Variants in HLA-DPA1 observed in about 807,000 individuals in gnomAD.
HLA-DPA1 encodes the protein HLA class II histocompatibility antigen, DP alpha 1 chain.
In HLA-DPA1, 20 loss-of-function variants were observed where a neutral mutation model predicts 21.5. The observed-to-expected ratio is 0.93, with a 90% confidence interval of 0.66 to 1.35. The LOEUF (loss-of-function observed/expected upper bound fraction) is 1.35, where lower values mean the gene tolerates loss of function less well. Among genes scored for constraint, HLA-DPA1 ranks in the 40% most tolerant of loss-of-function variants. The probability of loss-of-function intolerance (pLI) is 0.00; values close to 1 mark genes in which losing one functional copy is unlikely to be tolerated. For synonymous variants in HLA-DPA1, 123 were observed against 129.6 expected (o/e 0.95, Z 0.35); for missense variants, 279 against 323.0 (o/e 0.86, Z 1.05).
At chr6:33,075,996 T>G in intron 1 of HLA-DPA1, 2 of 1,463,988 alleles carry the variant, frequency 1.4e-6, no homozygotes, top group Non-Finnish European at 1.9e-6. Flanking sequence ...GAGTCCTTCT[T>G]TTCCTGACTG....
At chr6:33,077,621 T>TG (rs1408578886) in intron 1 of HLA-DPA1, among the ~76,000 whole-genome samples, 2 of 152,136 alleles carry the variant, frequency 1.3e-5, no homozygotes, top group Non-Finnish European at 2.9e-5. Context: ...TGTAAACTAG[T>TG]TCAACCATTG....
At chr6:33,065,042 T>C (rs1447968033) in exon 6 of HLA-DPA1, 1 of 152,182 alleles carries the variant, frequency 6.6e-6, no homozygotes, top group Non-Finnish European at 1.5e-5. Context: ...TTATTGGTCT[T>C]AGGGTATTCT....
intron 2 of HLA-DPA1, among the ~76,000 whole-genome samples, chr6:33,072,550 G>C (rs760664159): frequency 6.6e-6 from 1 of 152,114 alleles, no homozygotes; most frequent in Non-Finnish European, 1.5e-5. Context: ...AGGTGACCGC[G>C]AACAGGGCAA....
chr6:33,068,670 G>T (rs190707736), exon 5 of HLA-DPA1: 3 of 1,612,360 alleles, frequency 1.9e-6, no homozygotes, highest in Admixed American at 3.3e-5. Context: ...CCCTGGGCCC[G>T]GGGGTCATGG....
At chr6:33,069,730 T>C (rs1762169583) in exon 3 of HLA-DPA1, 1 of 1,612,688 alleles carries the variant, frequency 6.2e-7, no homozygotes, top group Admixed American at 1.7e-5. Context: ...GCCCTGAGCC[T>C]CAAAGGAAAA....
chr6:33,069,971 A>C, intron 2 of HLA-DPA1, 85 bp from the exon 2 acceptor site: 1 of 1,273,622 alleles, frequency 7.9e-7, no homozygotes, highest in Non-Finnish European at 1.1e-6. Context: ...ATAAAGACTT[A>C]TGAATATAAA....
exon 3 of HLA-DPA1, chr6:33,069,719 C>T (rs1334072731): frequency 3.7e-6 from 6 of 1,612,590 alleles, no homozygotes; most frequent in African/African-American, 1.3e-5. Flanking sequence ...TTAGCCAGCC[C>T]GCCCTGAGCC....
At chr6:33,069,756 C>T in exon 3 of HLA-DPA1, 1 of 1,612,714 alleles carries the variant, frequency 6.2e-7, no homozygotes, top group Non-Finnish European at 8.5e-7. Flanking sequence ...GGCCAAACTC[C>T]TCCAGATGCC....
chr6:33,069,155 A>G (rs1175598425), exon 4 of HLA-DPA1: 3 of 1,613,030 alleles, frequency 1.9e-6, no homozygotes, highest in Middle Eastern at 1.6e-4. Flanking sequence ...AGAGGCTCTC[A>G]GCGACACCCT....
chr6:33,072,413 G>A (rs1364122024), intron 2 of HLA-DPA1, among the ~76,000 whole-genome samples: 1 of 152,188 alleles, frequency 6.6e-6, no homozygotes, highest in African/African-American at 2.4e-5. Context: ...TAAGAGACTG[G>A]GCAGGGAAGC....
rs199854107 is a variant in HLA-DPA1, at chr6:33,069,299, A to G, written c.348T>C (p.Asp116=). The change falls in exon 4 of 6, where the codon GAT becomes GAC. Residue 116 remains aspartate (D), a splice_region_variant and synonymous_variant. Coordinates refer to ENST00000419277, the Ensembl canonical transcript of HLA-DPA1. Reference sequence around the variant, plus strand: ...TGGGAAACACGGTCACCTCAGGGGGATCTGGAAGGAGACAGCACCAGGTTA... The same window carrying G: ...TGGGAAACACGGTCACCTCAGGGGGGTCTGGAAGGAGACAGCACCAGGTTA... 12 of 1,611,402 alleles carry G rather than the reference A, an allele frequency of 7.4e-6. No individual in the cohort carries two copies. In the Middle Eastern group the frequency reaches 6.6e-4, roughly 89 times the overall value.
At chr6:33,068,388 C>T (rs537868986) in intron 5 of HLA-DPA1, 1 of 418,298 alleles carries the variant, frequency 2.4e-6, no homozygotes, top group African/African-American at 2.0e-5. Context: ...GTAAGTATCT[C>T]TCATGTGAAA....
chr6:33,064,859 A>G (rs17220961), exon 6 of HLA-DPA1: 43,919 of 151,942 alleles, frequency 0.29, 8,376 homozygotes, highest in East Asian at 0.69. Context: ...AAAACCCAGG[A>G]CTGAATCAAT....
chr6:33,071,449 T>A (rs1467529367), intron 2 of HLA-DPA1, among the ~76,000 whole-genome samples: 1 of 152,076 alleles, frequency 6.6e-6, no homozygotes, highest in Non-Finnish European at 1.5e-5. Flanking sequence ...CTTTTTAAAA[T>A]GCTTTTTAAA....
rs145493179 is a variant in HLA-DPA1, at chr6:33,072,289, C to T, written c.100+1182G>A. On this transcript the variant is annotated intron_variant, in intron 2 of 5. Transcript: ENST00000419277. Reference sequence around the variant, plus strand: ...GAGACAAGTCAGAAGCTTAGCTCCACGTGTGAGGACACAAAGAAAGTGTCT... The same window carrying T: ...GAGACAAGTCAGAAGCTTAGCTCCATGTGTGAGGACACAAAGAAAGTGTCT... Among the ~76,000 whole-genome samples, 314 of 152,272 alleles carry T rather than the reference C, an allele frequency of 2.1e-3. 1 individual carries two copies. Among genetic ancestry groups the T allele is most frequent in the African/African-American group, 7.0e-3 (292 of 41,534 alleles).
At position 33,080,404 on chromosome 6, in the gene HLA-DPA1, C is replaced by T; in HGVS notation, c.-100+276G>A. On this transcript the variant is annotated intron_variant, in intron 1 of 5. Transcript: ENST00000419277. This position sits in a 1 kb window ranked among gnomAD's most constrained non-coding sequence, Gnocchi z 4.3. ...CCACCAGCAGAAGGGACTGCCTTCC[C>T]CTCAGTGCTCGCCCCTCCCTAGTGA... 1.5e-6 allele frequency: 1 copy of T among 663,372 alleles called. No homozygotes were observed. The highest frequency in any genetic ancestry group is 1.5e-5 in the South Asian group (1 of 66,252). 41.1% of individuals were successfully genotyped at this position (663,372 alleles called of 1,614,324 possible). A position where few individuals can be genotyped will look rare whatever the true frequency, so the allele number is the denominator to read the frequency against.
chr6:33,076,213 G>T, intron 1 of HLA-DPA1: 1 of 1,051,468 alleles, frequency 9.5e-7, no homozygotes. Flanking sequence ...ATCTTTAAGG[G>T]ATCAAATTCT....
chr6:33,071,795 C>A lies in HLA-DPA1; in HGVS notation c.100+1676G>T, dbSNP rs537526971. Among the ~76,000 whole-genome samples the A allele has an allele frequency of 3.9e-3, 539 of 139,402 alleles. 3 individuals are homozygous for A. The highest frequency in any genetic ancestry group is 0.038 in the East Asian group (132 of 3,482). 91.5% of individuals were successfully genotyped at this position (139,402 alleles called of 152,430 possible). A position where few individuals can be genotyped will look rare whatever the true frequency, so the allele number is the denominator to read the frequency against. On this transcript the variant is annotated intron_variant, in intron 2 of 5. Transcript: ENST00000419277. ...CAATGTAGGCATTCAGAAAACAGGGCAAAAGCCACTTCTCTCAGGGAAGAC... is the reference window on the plus strand; with the variant it reads ...CAATGTAGGCATTCAGAAAACAGGGAAAAAGCCACTTCTCTCAGGGAAGAC...
chr6:33,072,550 G>A (rs760664159), intron 2 of HLA-DPA1, among the ~76,000 whole-genome samples: 8 of 152,114 alleles, frequency 5.3e-5, no homozygotes, highest in South Asian at 2.1e-4. Context: ...AGGTGACCGC[G>A]AACAGGGCAA....
Sources: gnomAD v4.1 joint callset for allele counts (sites outside exome capture counted in the v4.1 genomes callset) on GRCh38, gnomAD v4.1.1 for gene constraint, Gnocchi (gnomAD v3.1) non-coding constraint, MANE v1.5 for transcripts, NCBI Gene and HGNC (gene_info 2026-07-23, HGNC 2026-07-21) for gene names.